VWA3B: variants seen among roughly 807,000 people sequenced by gnomAD.
The protein encoded by VWA3B is von Willebrand factor A domain containing 3B.
A neutral mutation model predicts 158.3 loss-of-function variants in VWA3B; 138 were observed. That is an observed-to-expected ratio of 0.87 (90% CI 0.76 to 1.00). The LOEUF is 1.00. VWA3B is among the 50% of genes least tolerant of loss of function. The pLI is 0.00. For missense variants in VWA3B, 1,555 were observed against 1,565.1 expected (o/e 0.99, Z 0.11); for synonymous variants, 596 against 587.3 (o/e 1.01, Z -0.21).
intron 7 of VWA3B, among the ~76,000 whole-genome samples, chr2:98,156,004 A>G (rs1678037221): frequency 1.3e-5 from 2 of 152,206 alleles, no homozygotes; most frequent in South Asian, 4.1e-4. Context: ...CGCTTTAAGA[A>G]TATAGCTCCC....
intron 3 of VWA3B, among the ~76,000 whole-genome samples, chr2:98,118,533 G>A (rs923469295): frequency 1.3e-5 from 2 of 152,128 alleles, no homozygotes; most frequent in African/African-American, 4.8e-5. Context: ...CTCACACCGG[G>A]CCAATCAGAT....
chr2:98,302,738 C>G (rs930439146), intron 25 of VWA3B, among the ~76,000 whole-genome samples: 1 of 152,194 alleles, frequency 6.6e-6, no homozygotes, highest in Non-Finnish European at 1.5e-5. Context: ...GGCTCCATGG[C>G]CTACCCTCTA....
intron 7 of VWA3B, among the ~76,000 whole-genome samples, chr2:98,153,249 G>A (rs932420091): frequency 6.6e-6 from 1 of 152,192 alleles, no homozygotes; most frequent in Non-Finnish European, 1.5e-5. Context: ...TGAATCAAAA[G>A]AATAAATATT....
At chr2:98,103,288 A>G (rs754502784) in intron 2 of VWA3B, among the ~76,000 whole-genome samples, 3 of 152,118 alleles carry the variant, frequency 2.0e-5, no homozygotes, top group African/African-American at 7.2e-5. Flanking sequence ...TTTCACTGGT[A>G]TCTGACTTAA....
chr2:98,134,861 T>G (rs1326484758), intron 7 of VWA3B, among the ~76,000 whole-genome samples: 1 of 151,460 alleles, frequency 6.6e-6, no homozygotes, highest in Non-Finnish European at 1.5e-5. Flanking sequence ...TGAAGATGAG[T>G]CATGAGCCTG....
chr2:98,311,194 C>T (rs893258614), intron 26 of VWA3B, among the ~76,000 whole-genome samples: 7 of 152,160 alleles, frequency 4.6e-5, no homozygotes, highest in Admixed American at 3.9e-4. Flanking sequence ...AACGGTGAGC[C>T]ATGGAGGCAT....
chr2:98,303,442 G>GTGTT (rs889291173), intron 25 of VWA3B, among the ~76,000 whole-genome samples: 15 of 152,106 alleles, frequency 9.9e-5, no homozygotes, highest in African/African-American at 2.9e-4. Context: ...GTGTGTGTGT[G>GTGTT]TGTGTGTGTG....
intron 7 of VWA3B, among the ~76,000 whole-genome samples, chr2:98,155,865 A>G (rs1451953211): frequency 6.6e-6 from 1 of 152,116 alleles, no homozygotes; most frequent in Non-Finnish European, 1.5e-5. Flanking sequence ...GCATGAGAAT[A>G]TTGCTCCTGG....
intron 2 of VWA3B, among the ~76,000 whole-genome samples, chr2:98,109,354 A>T (rs1373981943): frequency 6.6e-6 from 1 of 152,168 alleles, no homozygotes; most frequent in Non-Finnish European, 1.5e-5. Flanking sequence ...GTGTTACATT[A>T]TGAATACATA....
chr2:98,201,518 T>C (rs1574065213), intron 12 of VWA3B, among the ~76,000 whole-genome samples: 1 of 152,346 alleles, frequency 6.6e-6, no homozygotes, highest in East Asian at 1.9e-4. Context: ...TTCAGTATGA[T>C]GTTTAACAGG....
intron 2 of VWA3B, among the ~76,000 whole-genome samples, chr2:98,097,386 A>G (rs141816627): frequency 6.6e-6 from 1 of 152,304 alleles, no homozygotes; most frequent in African/African-American, 2.4e-5. Context: ...GCTTCACTTA[A>G]AATAATGGCC....
chr2:98,216,984 C>CCCT, intron 13 of VWA3B: 2 of 1,239,952 alleles, frequency 1.6e-6, no homozygotes, highest in South Asian at 1.3e-5. Context: ...TTGTAAGCAC[C>CCCT]CGCCCCGCAC....
chr2:98,202,490 T>C (rs921532346), intron 12 of VWA3B, among the ~76,000 whole-genome samples: 5 of 152,142 alleles, frequency 3.3e-5, no homozygotes, highest in African/African-American at 1.2e-4. Context: ...TTTTAACAAA[T>C]GTTTTAAATT....
chr2:98,093,058 C>T lies in VWA3B; in HGVS notation c.-32-3C>T, dbSNP rs1682461769. 1 of 1,601,854 alleles carries T rather than the reference C, an allele frequency of 6.2e-7. No individual in the cohort carries two copies. Among genetic ancestry groups the T allele is most frequent in the African/African-American group, 1.3e-5 (1 of 74,654 alleles). On this transcript the variant is annotated splice_region_variant and splice_polypyrimidine_tract_variant and intron_variant, in intron 1 of 27. Coordinates refer to ENST00000477737, the MANE Select transcript of VWA3B (RefSeq NM_144992.5). ...AAGTCTGAGTTTATGATTGCCCTTA[C>T]AGGAGTTTGCTGTGACTTAGATCTT...
At chr2:98,275,869 G>A (rs2105902659) in intron 22 of VWA3B, among the ~76,000 whole-genome samples, 1 of 152,340 alleles carries the variant, frequency 6.6e-6, no homozygotes, top group East Asian at 1.9e-4. Context: ...TAGAAGTGGA[G>A]GAAGTTAGTA....
intron 20 of VWA3B, among the ~76,000 whole-genome samples, chr2:98,255,473 C>T (rs751575881): frequency 4.6e-5 from 7 of 151,972 alleles, no homozygotes; most frequent in Admixed American, 2.0e-4. Flanking sequence ...GAAGAAGCAA[C>T]ACTGATTAGT....
Position 98,256,180 on chromosome 2 carries a change from C to T in VWA3B, c.2843+6C>T, listed in dbSNP as rs1687128309. On this transcript the variant is annotated splice_donor_region_variant and intron_variant, in intron 21 of 27. Transcript: ENST00000477737. ...TCTCAAGAGGAAAAAGAAAAGTAAG[C>T]CATTCCATTCCCTCCTCACTTTTTT... The T allele has an allele frequency of 6.3e-7, 1 of 1,594,642 alleles. No homozygotes were observed.
the VWA3B span, among the ~76,000 whole-genome samples, chr2:98,326,937 T>C: frequency 6.6e-6 from 1 of 151,494 alleles, no homozygotes; most frequent in East Asian, 1.9e-4. Flanking sequence ...ACCATGATTT[T>C]AAGAATTCTG....
At chr2:98,196,552 G>A (rs1398294651) in intron 12 of VWA3B, among the ~76,000 whole-genome samples, 2 of 152,168 alleles carry the variant, frequency 1.3e-5, no homozygotes, top group Non-Finnish European at 2.9e-5. Flanking sequence ...AACAAGCATA[G>A]GCGTTCCTAA....
Sources: allele counts gnomAD v4.1 joint callset (sites outside exome capture counted in the v4.1 genomes callset), GRCh38; gene constraint gnomAD v4.1.1; transcripts MANE v1.5; gene names NCBI Gene and HGNC (gene_info 2026-07-23, HGNC 2026-07-21).